The following NCOA6 variants were observed in gnomAD, a reference collection of about 807,000 sequenced individuals.
NCOA6 encodes the protein nuclear receptor coactivator 6, also known as NRC RAP250.
Under a neutral mutation model 171.4 loss-of-function variants are expected in NCOA6, and 49 were observed. That is an observed-to-expected ratio of 0.29 (90% CI 0.23 to 0.36). NCOA6 has a LOEUF of 0.36. Ranked by LOEUF, NCOA6 falls within the 10% of genes least tolerant of loss-of-function variation. The probability of loss-of-function intolerance (pLI) is 1.00; values close to 1 mark genes in which losing one functional copy is unlikely to be tolerated. For missense variants in NCOA6, 2,248 were observed against 2,554.5 expected (o/e 0.88, Z 2.59); for synonymous variants, 910 against 927.5 (o/e 0.98, Z 0.34).
At position 34,740,485 on chromosome 20, in the gene NCOA6, G is replaced by C. The variant is rs376574983; in HGVS notation, c.5771C>G (p.Ser1924Cys). The C allele has an allele frequency of 5.0e-6, 8 of 1,614,080 alleles. No homozygotes were observed. Among genetic ancestry groups the C allele is most frequent in the Non-Finnish European group, 6.8e-6 (8 of 1,180,048 alleles). Residue 1924 changes from serine (S) to cysteine (C), a missense_variant, in exon 11 of 15, where the codon TCC becomes TGC. Around this residue, in one of 7 missense-constraint regions of NCOA6, gnomAD observed 884 missense variants for 941.9 expected, o/e 0.94. Transcript: ENST00000359003. ...VRSIVTTLVPSELISAVPTTK... is the reference protein window; with the variant it reads ...VRSIVTTLVPCELISAVPTTK... ...GGTCGGTACGGCGGAGATGAGCTCG[G>C]AGGGTACCAGAGTGGTTACTATCGA...
At chr20:34,727,746 C>CA (rs1380703508) in intron 13 of NCOA6, among the ~76,000 whole-genome samples, 1 of 145,202 alleles carries the variant, frequency 6.9e-6, no homozygotes, top group African/African-American at 2.5e-5. Flanking sequence ...TTTTTCCAGA[C>CA]AGAGTGTCAC....
chr20:34,715,931 G>A (rs961444619), intron 14 of NCOA6, among the ~76,000 whole-genome samples: 3 of 152,176 alleles, frequency 2.0e-5, no homozygotes, highest in African/African-American at 7.2e-5. Context: ...TCAAGATTGT[G>A]GAAGGCTGGG....
intron 2 of NCOA6, among the ~76,000 whole-genome samples, chr20:34,785,091 TAAATA>T (rs958646089): frequency 1.3e-5 from 2 of 151,618 alleles, no homozygotes; most frequent in Non-Finnish European, 2.9e-5. Flanking sequence ...CAAAAATAAA[TAAATA>T]AAATAAAATA....
At chr20:34,770,047 T>G (rs145586940) in intron 4 of NCOA6, among the ~76,000 whole-genome samples, 1 of 151,250 alleles carries the variant, frequency 6.6e-6, no homozygotes, top group East Asian at 1.9e-4. Context: ...AGCCTTCCTT[T>G]TTTTTTTTTT....
chr20:34,749,421 T>C lies in NCOA6; in HGVS notation c.2774A>G (p.Asn925Ser), dbSNP rs1205269381. ...AACCTACTTTAGATCTTGCTGACTA[T>C]TTTTCTTCTTCCGAGGGGGTTTCTT... is the stretch of plus-strand genomic sequence containing the variant. ...KKKKPPRKKK[N>S]SQQDLNTPDT... is the part of the protein sequence containing the mutation. Residue 925 changes from asparagine (N) to serine (S), a missense_variant, in exon 9 of 15, where the codon AAT becomes AGT. By Grantham distance (46) the Asn-to-Ser change is conservative. Transcript: ENST00000359003. The C allele has an allele frequency of 6.2e-7, 1 of 1,605,414 alleles. No homozygotes were observed. The highest frequency in any genetic ancestry group is 1.7e-5 in the Admixed American group (1 of 59,176).
chr20:34,808,288 G>A (rs2078530679), intron 1 of NCOA6, among the ~76,000 whole-genome samples: 1 of 151,886 alleles, frequency 6.6e-6, no homozygotes, highest in Admixed American at 6.6e-5. Flanking sequence ...CACAGTGCTG[G>A]AACTGTGCCC....
chr20:34,722,381 AAAAT>A (rs1292898100), intron 14 of NCOA6, among the ~76,000 whole-genome samples: 1 of 151,646 alleles, frequency 6.6e-6, no homozygotes, highest in Non-Finnish European at 1.5e-5. Flanking sequence ...ACTCCGTCTA[AAAAT>A]AAATAAATAA....
chr20:34,809,632 T>G (rs1385177834), intron 1 of NCOA6: 2 of 390,808 alleles, frequency 5.1e-6, no homozygotes, highest in African/African-American at 2.1e-5. Flanking sequence ...TTGGCCAAAT[T>G]CCTTCTCTCT....
chr20:34,780,708 A>T (rs1476615550), intron 3 of NCOA6, among the ~76,000 whole-genome samples: 1 of 151,806 alleles, frequency 6.6e-6, no homozygotes, highest in Non-Finnish European at 1.5e-5. Context: ...GCTGGAGTGC[A>T]GGGGCACTAT....
chr20:34,762,394 T>C (rs145884057), intron 5 of NCOA6, among the ~76,000 whole-genome samples: 68 of 152,200 alleles, frequency 4.5e-4, no homozygotes, highest in Non-Finnish European at 1.9e-4. Flanking sequence ...ATTTCCTTTT[T>C]ATCAGTGTTC....
chr20:34,781,195 A>C (rs2077507248), intron 3 of NCOA6, among the ~76,000 whole-genome samples: 1 of 152,208 alleles, frequency 6.6e-6, no homozygotes, highest in African/African-American at 2.4e-5. Flanking sequence ...CAGTTGAAAA[A>C]ACAACAGCTT....
At position 34,776,233 on chromosome 20, in the gene NCOA6, T is replaced by A. The variant is rs895552150; in HGVS notation, c.391+60A>T. The A allele has an allele frequency of 4.5e-6, 7 of 1,548,678 alleles. No individual in the cohort carries two copies. The East Asian group carries it at 1.4e-4, about 30-fold the overall frequency. ...ACAGACAAAGCAGCACAGAAAATCA[T>A]GCTATATTCTACTGTTGTAATGATT... On this transcript the variant is annotated intron_variant, in intron 4 of 14. Coordinates refer to ENST00000359003, the MANE Select transcript of NCOA6 (RefSeq NM_014071.5).
In NCOA6 at chr20:34,742,339, T is replaced by C. The variant is rs1411436287; in HGVS notation, c.3917A>G (p.Asp1306Gly). 1.2e-6 allele frequency: 2 copies of C among 1,614,106 alleles called. No homozygotes were observed. Among genetic ancestry groups the C allele is most frequent in the Admixed American group, 1.7e-5 (1 of 59,996 alleles). Residue 1306 changes from aspartate (D) to glycine (G), a missense_variant, in exon 11 of 15, where the codon GAT (aspartate) becomes GGT (glycine). By Grantham distance (94) the Asp-to-Gly change is moderately conservative (BLOSUM62 -1). This residue lies in a region of NCOA6 where 884 missense variants were observed against 941.9 expected (regional missense o/e 0.94). Transcript: ENST00000359003. ...CTTTCCAGAATTCACTACCACAGAA[T>C]CTAATTTGTGAGTTTGTGGGGTAGC... ...NFATPQTHKL[D>G]SVVVNSGKQS...
intron 8 of NCOA6, among the ~76,000 whole-genome samples, chr20:34,752,112 C>T (rs1462581714): frequency 6.6e-6 from 1 of 152,170 alleles, no homozygotes; most frequent in Non-Finnish European, 1.5e-5. Flanking sequence ...CCCGCCTTGG[C>T]CTCCCAAAGT....
chr20:34,790,840 G>A (rs940095078), intron 2 of NCOA6, among the ~76,000 whole-genome samples: 2 of 149,408 alleles, frequency 1.3e-5, no homozygotes, highest in Non-Finnish European at 3.0e-5. Context: ...TAGGAGAGAT[G>A]AGGTTTCACC....
chr20:34,741,433 G>C lies in NCOA6; in HGVS notation c.4823C>G (p.Thr1608Ser), dbSNP rs1173115536. 1 of 1,614,230 alleles carries C rather than the reference G, an allele frequency of 6.2e-7. No individual in the cohort carries two copies. The highest frequency in any genetic ancestry group is 8.5e-7 in the Non-Finnish European group (1 of 1,180,040). The change falls in exon 11 of 15, where the codon ACT (threonine) becomes AGT (serine). Residue 1608 changes from threonine to serine, a missense_variant. Thr to Ser is a moderately conservative substitution (Grantham distance 58). This residue lies in a region of NCOA6 where 884 missense variants were observed against 941.9 expected (regional missense o/e 0.94). Transcript: ENST00000359003. ...CAAAGCTGCTGATGTGTTAGCTGAA[G>C]TTGTGATGGGATTGGAAGTGACAAA... is the stretch of plus-strand genomic sequence containing the variant. ...TVFVTSNPIT[T>S]SANTSAALPT...
At chr20:34,773,048 C>T (rs1475147471) in intron 4 of NCOA6, among the ~76,000 whole-genome samples, 12 of 152,180 alleles carry the variant, frequency 7.9e-5, no homozygotes, top group Admixed American at 7.9e-4. Flanking sequence ...TAGGGGTCCA[C>T]AAACTACGTC....
At chr20:34,744,603 C>T (rs1323157708) in intron 10 of NCOA6, among the ~76,000 whole-genome samples, 1 of 152,220 alleles carries the variant, frequency 6.6e-6, no homozygotes, top group African/African-American at 2.4e-5. Flanking sequence ...CAATTAATGT[C>T]TTCTGGCCAA....
At chr20:34,730,953 T>G (rs1990538834) in intron 13 of NCOA6, among the ~76,000 whole-genome samples, 1 of 152,090 alleles carries the variant, frequency 6.6e-6, no homozygotes, top group Non-Finnish European at 1.5e-5. Flanking sequence ...GCCATCTGCC[T>G]ACCTCGGCCT....
Sources: allele counts gnomAD v4.1 joint callset (sites outside exome capture counted in the v4.1 genomes callset), GRCh38; gene constraint gnomAD v4.1.1; regional missense constraint gnomAD v4.1.1; transcripts MANE v1.5; gene names NCBI Gene and HGNC (gene_info 2026-07-23, HGNC 2026-07-21).